ATRNL1: variants seen among roughly 807,000 people sequenced by gnomAD.
ATRNL1 encodes the protein attractin-like protein 1.
In ATRNL1, 95 loss-of-function variants were observed where a neutral mutation model predicts 182.7. The observed-to-expected ratio is 0.52, with a 90% CI of 0.44 to 0.62. The LOEUF (loss-of-function observed/expected upper bound fraction) is 0.62, where lower values mean the gene tolerates loss of function less well. ATRNL1 is among the 20% of genes least tolerant of loss of function. The probability of loss-of-function intolerance (pLI) is 0.00; values close to 1 mark genes in which losing one functional copy is unlikely to be tolerated. For synonymous variants in ATRNL1, 576 were observed against 568.3 expected (o/e 1.01, Z -0.19); for missense variants, 1,471 against 1,679.5 (o/e 0.88, Z 2.17).
chr10:115,477,581 T>G (rs954653441), intron 24 of ATRNL1, among the ~76,000 whole-genome samples: 1 of 151,574 alleles, frequency 6.6e-6, no homozygotes, highest in Admixed American at 6.6e-5. Context: ...GGAAGTAGTT[T>G]TTTGGCTTCT....
intron 27 of ATRNL1, among the ~76,000 whole-genome samples, chr10:115,745,703 T>A (rs2907539): frequency 0.95 from 144,658 of 152,218 alleles, 69,149 homozygotes; most frequent in East Asian, 1. Flanking sequence ...TTGGTGCAGA[T>A]GTAATGGCAA....
At chr10:115,197,622 C>T (rs748679429) in intron 8 of ATRNL1, among the ~76,000 whole-genome samples, 34 of 151,852 alleles carry the variant, frequency 2.2e-4, no homozygotes, top group Non-Finnish European at 4.4e-4. Context: ...ATACAGTTGT[C>T]CCTCAGTATA....
intron 27 of ATRNL1, among the ~76,000 whole-genome samples, chr10:115,784,075 A>G (rs1269372752): frequency 6.6e-6 from 1 of 152,184 alleles, no homozygotes; most frequent in African/African-American, 2.4e-5. Context: ...ACCTAGCTTT[A>G]TCTCTTATTT....
chr10:115,373,124 A>T (rs616759), intron 19 of ATRNL1, among the ~76,000 whole-genome samples: 4,322 of 152,124 alleles, frequency 0.028, 234 homozygotes, highest in African/African-American at 0.1. Context: ...TATTTTTCAT[A>T]GCTATTATAA....
At chr10:115,362,056 C>T (rs1271358126) in intron 19 of ATRNL1, among the ~76,000 whole-genome samples, 2 of 151,896 alleles carry the variant, frequency 1.3e-5, no homozygotes, top group East Asian at 3.9e-4. Flanking sequence ...AGTCATATGG[C>T]CTTTTCTAAA....
At chr10:115,432,388 T>C (rs1472848908) in intron 21 of ATRNL1, among the ~76,000 whole-genome samples, 1 of 152,140 alleles carries the variant, frequency 6.6e-6, no homozygotes, top group Non-Finnish European at 1.5e-5. Flanking sequence ...AGCATAATGG[T>C]AAAGCACTAG....
At chr10:115,588,665 G>C (rs1855721718) in intron 26 of ATRNL1, among the ~76,000 whole-genome samples, 1 of 152,184 alleles carries the variant, frequency 6.6e-6, no homozygotes, top group Admixed American at 6.5e-5. Flanking sequence ...TCCCCAGGTA[G>C]GGTTTGTGTG....
intron 27 of ATRNL1, chr10:115,820,544 GT>G (rs1950268325): frequency 6.6e-6 from 1 of 152,090 alleles, no homozygotes; most frequent in Non-Finnish European, 1.5e-5. Flanking sequence ...CTGATAGTTT[GT>G]TTTTTCCTAA....
intron 26 of ATRNL1, among the ~76,000 whole-genome samples, chr10:115,559,410 GTGTT>G (rs1853529204): frequency 1.5e-5 from 2 of 130,124 alleles, no homozygotes; most frequent in African/African-American, 3.1e-5. Context: ...CTCATTCTTG[GTGTT>G]TGTGTGTGTG....
intron 5 of ATRNL1, among the ~76,000 whole-genome samples, chr10:115,138,155 G>A (rs1592152597): frequency 6.6e-6 from 1 of 152,338 alleles, no homozygotes; most frequent in South Asian, 2.1e-4. Flanking sequence ...ATGGTCTTGG[G>A]CAGCTCTGCT....
intron 19 of ATRNL1, among the ~76,000 whole-genome samples, chr10:115,359,561 G>T (rs1162813544): frequency 3.3e-5 from 5 of 151,334 alleles, no homozygotes; most frequent in Admixed American, 6.6e-5. Flanking sequence ...TATTATATTT[G>T]CTCTGAATGA....
chr10:115,417,477 C>T (rs1169049620), intron 20 of ATRNL1, among the ~76,000 whole-genome samples: 2 of 152,194 alleles, frequency 1.3e-5, no homozygotes, highest in African/African-American at 4.8e-5. Context: ...GGGATCCAGT[C>T]TGACCCCCAG....
Position 115,657,461 on chromosome 10 carries a change from C to T in ATRNL1, c.3796-69787C>T, listed in dbSNP as rs183985157. The stretch of plus-strand genomic sequence containing the variant: ...TTCTCTTAAAATGCACATGGCATGG[C>T]AGTTGCATTCTTGAAAAATTCAGTG... On this transcript the variant is annotated intron_variant, in intron 26 of 28. Coordinates refer to ENST00000355044, the MANE Select transcript of ATRNL1 (RefSeq NM_207303.4). Among the ~76,000 whole-genome samples the T allele has an allele frequency of 2.1e-3, 321 of 152,274 alleles. 12 individuals are homozygous for T. The East Asian group carries it at 0.048, about 23-fold the overall frequency.
chr10:115,856,230 C>G (rs1951177104), intron 28 of ATRNL1, among the ~76,000 whole-genome samples: 1 of 151,702 alleles, frequency 6.6e-6, no homozygotes, highest in Admixed American at 6.6e-5. Flanking sequence ...GAATTCAGGA[C>G]TAGCCTGGCC....
At chr10:115,617,836 G>A (rs1005223126) in intron 26 of ATRNL1, among the ~76,000 whole-genome samples, 8 of 152,282 alleles carry the variant, frequency 5.3e-5, no homozygotes, top group Non-Finnish European at 1.2e-4. Flanking sequence ...AGGGCCTGGG[G>A]TGGACTTACT....
intron 10 of ATRNL1, among the ~76,000 whole-genome samples, chr10:115,249,878 T>C (rs1267120621): frequency 6.6e-6 from 1 of 152,214 alleles, no homozygotes; most frequent in Non-Finnish European, 1.5e-5. Flanking sequence ...TGGCAAGAAA[T>C]ATAAATTATA....
At chr10:115,264,815 T>C (rs2133878792) in intron 10 of ATRNL1, among the ~76,000 whole-genome samples, 1 of 151,786 alleles carries the variant, frequency 6.6e-6, no homozygotes, top group Non-Finnish European at 1.5e-5. Context: ...ACATGTCATA[T>C]TTGATTTAGT....
intron 27 of ATRNL1, among the ~76,000 whole-genome samples, chr10:115,738,102 T>C (rs1297981023): frequency 7.1e-6 from 1 of 141,288 alleles, no homozygotes; most frequent in Non-Finnish European, 1.5e-5. Flanking sequence ...AAATTCTTCA[T>C]AAAAAATGAT....
At chr10:115,146,924 G>A (rs1459018687) in intron 5 of ATRNL1, among the ~76,000 whole-genome samples, 4 of 151,800 alleles carry the variant, frequency 2.6e-5, no homozygotes, top group Non-Finnish European at 5.9e-5. Flanking sequence ...AAATAGTGCT[G>A]CAGTAAATAT....
Sources: allele counts gnomAD v4.1 joint callset (sites outside exome capture counted in the v4.1 genomes callset), GRCh38; gene constraint gnomAD v4.1.1; transcripts MANE v1.5; gene names NCBI Gene and HGNC (gene_info 2026-07-23, HGNC 2026-07-21).